The following ZNRF1 variants were observed in gnomAD, a reference collection of about 807,000 sequenced individuals.
The protein encoded by ZNRF1 is E3 ubiquitin-protein ligase ZNRF1.
In ZNRF1, 3 loss-of-function variants were observed where a neutral mutation model predicts 18.4. That is an observed-to-expected ratio of 0.16 (90% CI 0.07 to 0.42). The LOEUF (loss-of-function observed/expected upper bound fraction) is 0.42. Among genes scored for constraint, ZNRF1 ranks in the 10% least tolerant of loss-of-function variants. The pLI is 0.99. For synonymous variants in ZNRF1, 157 were observed against 144.2 expected (o/e 1.09, Z -0.64); for missense variants, 310 against 329.8 (o/e 0.94, Z 0.47).
At chr16:75,075,942 G>C (rs1195100914) in intron 1 of ZNRF1, among the ~76,000 whole-genome samples, 2 of 152,212 alleles carry the variant, frequency 1.3e-5, no homozygotes, top group Non-Finnish European at 2.9e-5. Flanking sequence ...GCAGGTGTAG[G>C]TGGGATTGAG....
Position 75,108,457 on chromosome 16 carries a change from A to T in ZNRF1, c.*757A>T. ...GGCCCTCGTGGATTTTTTTTTTCAGAAAACTTAAACAAAAAAAGACTTACT... is the reference window on the plus strand; with the variant it reads ...GGCCCTCGTGGATTTTTTTTTTCAGTAAACTTAAACAAAAAAAGACTTACT... On this transcript the variant is annotated 3_prime_UTR_variant, in exon 5 of 5. Transcript: ENST00000335325. 1 of 396,902 alleles carries T rather than the reference A, an allele frequency of 2.5e-6. No individual in the cohort carries two copies. Among genetic ancestry groups the T allele is most frequent in the Non-Finnish European group, 4.4e-6 (1 of 225,310 alleles). The allele number at this position is 396,902 out of a possible 1,614,324, so 24.6% of individuals were successfully genotyped here.
At chr16:75,073,160 C>CTGTCTCTA in intron 1 of ZNRF1, among the ~76,000 whole-genome samples, 1 of 151,544 alleles carries the variant, frequency 6.6e-6, no homozygotes, top group South Asian at 2.1e-4. Context: ...CTCTGTCTCT[C>CTGTCTCTA]TGTCTATATA....
chr16:74,999,641 AG>A lies in ZNRF1; in HGVS notation c.-29del. ...GAAGTGGGGGAGGGTCTCGGCCTCCAGGTTCCCGCCCCACCGGGGCCCGGGC... is the reference window on the plus strand; with the variant it reads ...GAAGTGGGGGAGGGTCTCGGCCTCCAGTTCCCGCCCCACCGGGGCCCGGGC... On this transcript the variant is annotated 5_prime_UTR_variant, in exon 1 of 5. Transcript: ENST00000335325. The A allele has an allele frequency of 1.5e-6, 2 of 1,320,436 alleles. No homozygotes were observed. The highest frequency in any genetic ancestry group is 1.9e-6 in the Non-Finnish European group (2 of 1,039,740). 81.8% of individuals were successfully genotyped at this position (1,320,436 alleles called of 1,614,324 possible).
At position 75,110,555 on chromosome 16, in the gene ZNRF1, AT is replaced by A; in HGVS notation, c.*2857del. 6.6e-6 allele frequency: 1 copy of A among 152,272 alleles called. No individual in the cohort carries two copies. The highest frequency in any genetic ancestry group is 1.5e-5 in the Non-Finnish European group (1 of 68,052). The allele number at this position is 152,272 out of a possible 1,614,324, so 9.4% of individuals were successfully genotyped here. A position where few individuals can be genotyped will look rare whatever the true frequency, so the allele number is the denominator to read the frequency against. On this transcript the variant is annotated 3_prime_UTR_variant, in exon 5 of 5. Coordinates refer to ENST00000335325, the MANE Select transcript of ZNRF1 (RefSeq NM_032268.5). ...ATGCCTTCAAGAAATGTGTAATTTA[AT>A]TCCAAATAGTTCCCCCCAAAATACA...
Position 75,000,084 on chromosome 16 carries a change from G to A in ZNRF1, c.413G>A (p.Ser138Asn). The A allele has an allele frequency of 6.2e-7, 1 of 1,601,100 alleles. No individual in the cohort carries two copies. The highest frequency in any genetic ancestry group is 8.5e-7 in the Non-Finnish European group (1 of 1,175,062). Reference sequence around the variant, plus strand: ...CTGCACATCGCACCCAGGTGGTTCAGCTCGCATAGTGGTGAGTCCGCGGGT... The same window carrying A: ...CTGCACATCGCACCCAGGTGGTTCAACTCGCATAGTGGTGAGTCCGCGGGT... The part of the protein sequence containing the change: ...LPLHIAPRWF[S>N]SHSGFKCPIC... The change falls in exon 1 of 5, where the codon AGC (serine) becomes AAC (asparagine). Residue 138 changes from serine (S) to asparagine (N), a missense_variant. This residue lies in a region of ZNRF1 where 293 missense variants were observed against 291.2 expected (regional missense o/e 1.01). Transcript: ENST00000335325.
intron 1 of ZNRF1, among the ~76,000 whole-genome samples, chr16:75,042,054 G>C (rs1437706276): frequency 1.3e-5 from 2 of 152,138 alleles, no homozygotes; most frequent in African/African-American, 4.8e-5. Context: ...GCAAAATTAA[G>C]AGGAAGGTCC....
At position 75,046,505 on chromosome 16, in the gene ZNRF1, C is replaced by G. The variant is rs558704776; in HGVS notation, c.424+46410C>G. Among the ~76,000 whole-genome samples, 3 of 152,256 alleles carry G rather than the reference C, an allele frequency of 2.0e-5. No homozygotes were observed. In the South Asian group the frequency reaches 6.2e-4, roughly 32 times the overall value. ...GACCTCAGGTGATCTGCTGCCTTGG[C>G]CTCCCAAAATGCTGAGATTACAGGC... is the stretch of plus-strand genomic sequence containing the variant. On this transcript the variant is annotated intron_variant, in intron 1 of 4. Transcript: ENST00000335325.
At chr16:75,045,704 C>T (rs2035506227) in intron 1 of ZNRF1, among the ~76,000 whole-genome samples, 1 of 148,546 alleles carries the variant, frequency 6.7e-6, no homozygotes, top group African/African-American at 2.5e-5. Context: ...TCAGCTGAAT[C>T]TTCTTCTTCG....
chr16:75,073,949 G>T (rs1182482295), intron 1 of ZNRF1, among the ~76,000 whole-genome samples: 2 of 152,100 alleles, frequency 1.3e-5, no homozygotes, highest in Admixed American at 1.3e-4. Flanking sequence ...TCTCGTAAAT[G>T]TCAGGAAGGT....
At chr16:75,030,456 A>G (rs2035287289) in intron 1 of ZNRF1, among the ~76,000 whole-genome samples, 1 of 152,298 alleles carries the variant, frequency 6.6e-6, no homozygotes, top group East Asian at 1.9e-4. Flanking sequence ...AGAAATATTT[A>G]AAGAAAAAGA....
intron 1 of ZNRF1, among the ~76,000 whole-genome samples, chr16:75,023,551 G>T (rs372948600): frequency 7.9e-5 from 12 of 152,240 alleles, no homozygotes; most frequent in African/African-American, 2.4e-4. Context: ...GGGCGTGGTG[G>T]CAGGCACCTG....
Position 75,057,902 on chromosome 16 carries a change from A to G in ZNRF1, c.425-35670A>G, listed in dbSNP as rs540676565. Among the ~76,000 whole-genome samples, 10 of 152,240 alleles carry G rather than the reference A, an allele frequency of 6.6e-5. No individual in the cohort carries two copies. In the East Asian group the frequency reaches 1.7e-3, roughly 26 times the overall value. On this transcript the variant is annotated intron_variant, in intron 1 of 4. Transcript: ENST00000335325. The stretch of plus-strand genomic sequence containing the variant: ...GTGATCCACCTGCCTCAGCCTCCCA[A>G]AGTGCTGGGGTTTACAGGCGTGAGC...
intron 1 of ZNRF1, among the ~76,000 whole-genome samples, chr16:75,061,872 G>A (rs1230898002): frequency 2.6e-5 from 4 of 152,152 alleles, no homozygotes; most frequent in Non-Finnish European, 4.4e-5. Flanking sequence ...TTCTGACCTG[G>A]CTGAGACCTT....
chr16:75,039,186 A>G (rs998354290), intron 1 of ZNRF1, among the ~76,000 whole-genome samples: 4 of 152,228 alleles, frequency 2.6e-5, no homozygotes, highest in African/African-American at 9.6e-5. Flanking sequence ...AAATGAACAG[A>G]TTTAAAATTA....
chr16:75,049,452 G>A (rs1188594605), intron 1 of ZNRF1, among the ~76,000 whole-genome samples: 1 of 151,904 alleles, frequency 6.6e-6, no homozygotes, highest in African/African-American at 2.4e-5. Context: ...TCAGCCTCCC[G>A]AGCAGCTGGG....
At chr16:75,013,786 A>G (rs1009743157) in intron 1 of ZNRF1, among the ~76,000 whole-genome samples, 1 of 151,530 alleles carries the variant, frequency 6.6e-6, no homozygotes, top group Non-Finnish European at 1.5e-5. Flanking sequence ...GAAAATGGGA[A>G]CTCTTTGGTG....
chr16:75,014,683 T>A lies in ZNRF1; in HGVS notation c.424+14588T>A, dbSNP rs181879733. 3.3e-5 allele frequency among the ~76,000 whole-genome samples: 5 copies of A among 152,250 alleles called. No homozygotes were observed. In the East Asian group the frequency reaches 9.6e-4, roughly 29 times the overall value. ...GTATGTGTATGTGTGCATGCGTGCA[T>A]GTGTGTGTATCTTCAACTCATAATT... On this transcript the variant is annotated intron_variant, in intron 1 of 4. Coordinates refer to ENST00000335325, the MANE Select transcript of ZNRF1 (RefSeq NM_032268.5).
intron 1 of ZNRF1, among the ~76,000 whole-genome samples, chr16:75,073,118 A>ATCTCTCTCTCTCTC (rs374451771): frequency 1.1e-4 from 14 of 128,412 alleles, no homozygotes; most frequent in African/African-American, 2.1e-4. Context: ...GTGAGACCCC[A>ATCTCTCTCTCTCTC]TCTCTCTCTC....
intron 1 of ZNRF1, among the ~76,000 whole-genome samples, chr16:75,056,862 C>T (rs2035673975): frequency 6.6e-6 from 1 of 152,098 alleles, no homozygotes; most frequent in Admixed American, 6.6e-5. Flanking sequence ...GTTTTGAACT[C>T]CTGACCTCAT....
Sources: gnomAD v4.1 joint callset for allele counts (sites outside exome capture counted in the v4.1 genomes callset) on GRCh38, gnomAD v4.1.1 for gene constraint, gnomAD v4.1.1 regional missense constraint, MANE v1.5 for transcripts, NCBI Gene and HGNC (gene_info 2026-07-23, HGNC 2026-07-21) for gene names.